Variants in GRIK3 observed in about 807,000 individuals in gnomAD.
GRIK3 encodes glutamate receptor ionotropic, kainate 3.
In GRIK3, 29 loss-of-function variants were observed where a neutral mutation model predicts 102.5. The observed-to-expected ratio is 0.28, with a 90% CI of 0.21 to 0.39. The LOEUF is 0.39. Among genes scored for constraint, GRIK3 ranks in the 10% least tolerant of loss-of-function variants. The pLI is 1.00. For synonymous variants in GRIK3, 511 were observed against 504.9 expected, an observed-to-expected ratio of 1.01 and a Z score of -0.16; for missense variants, 908 against 1,252.4, an observed-to-expected ratio of 0.73 and a Z score of 4.15.
chr1:37,013,274 T>C (rs1349909965), intron 1 of GRIK3, among the ~76,000 whole-genome samples: 1 of 152,246 alleles, frequency 6.6e-6, no homozygotes, highest in Non-Finnish European at 1.5e-5. Context: ...GTAGGAATTA[T>C]GGGAGCTACA....
In GRIK3 at chr1:36,800,693, C is replaced by T. The variant is rs1398610267; in HGVS notation, c.*1158G>A. 5 of 152,196 alleles carry T rather than the reference C, an allele frequency of 3.3e-5. No individual in the cohort carries two copies. Among genetic ancestry groups the T allele is most frequent in the African/African-American group, 1.2e-4 (5 of 41,452 alleles). 9.4% of individuals were successfully genotyped at this position (152,196 alleles called of 1,614,324 possible). A position where few individuals can be genotyped will look rare whatever the true frequency, so the allele number is the denominator to read the frequency against. On this transcript the variant is annotated 3_prime_UTR_variant, in exon 16 of 16. Coordinates refer to ENST00000373091, the MANE Select transcript of GRIK3 (RefSeq NM_000831.4). ...GGGAGCATCTCTAGGTTTGGTAAGT[C>T]CAGGAGACCAGAAGTTCTTTTGGTC...
rs1162590453 is a variant in GRIK3, at chr1:36,841,880, G to A, written c.1386C>T (p.Phe462=). 2 of 1,614,150 alleles carry A rather than the reference G, an allele frequency of 1.2e-6. No homozygotes were observed. Among genetic ancestry groups the A allele is most frequent in the Admixed American group, 1.7e-5 (1 of 60,022 alleles). Residue 462 remains phenylalanine, a synonymous_variant, in exon 10 of 16, where the codon TTC becomes TTT. Coordinates refer to ENST00000373091, the MANE Select transcript of GRIK3 (RefSeq NM_000831.4). ...SDRTLYGNDR[F]EGYCIDLLKE... ...TTAGCAGGTCGATGCAGTAGCCCTC[G>A]AACCGGTCATTCCCGTATAGCGTCC... is the stretch of plus-strand genomic sequence containing the variant.
At chr1:36,907,351 A>G (rs1641294799) in intron 1 of GRIK3, among the ~76,000 whole-genome samples, 1 of 152,178 alleles carries the variant, frequency 6.6e-6, no homozygotes, top group African/African-American at 2.4e-5. Context: ...CCCAGGCCCA[A>G]AGGTGGGCGA....
intron 9 of GRIK3, chr1:36,849,561 A>G (rs1640556746): frequency 6.6e-6 from 1 of 152,274 alleles, no homozygotes; most frequent in Non-Finnish European, 1.5e-5. Flanking sequence ...TGAGCCCCCA[A>G]AAGCAGGGCT....
At chr1:36,953,380 A>G (rs564804) in intron 1 of GRIK3, among the ~76,000 whole-genome samples, 4,949 of 152,272 alleles carry the variant, frequency 0.033, 283 homozygotes, top group African/African-American at 0.11. Context: ...CCTGCAGGAT[A>G]AAGGAGTTAG....
At chr1:36,834,915 C>T (rs1361503748) in intron 10 of GRIK3, among the ~76,000 whole-genome samples, 1 of 152,198 alleles carries the variant, frequency 6.6e-6, no homozygotes, top group East Asian at 1.9e-4. Context: ...TTAGACCTGT[C>T]TGGGACATCT....
intron 7 of GRIK3, among the ~76,000 whole-genome samples, chr1:36,856,213 G>A (rs1047668887): frequency 6.6e-6 from 1 of 152,198 alleles, no homozygotes; most frequent in East Asian, 1.9e-4. Flanking sequence ...CTATCTCTTG[G>A]CCCCCAGGGG....
chr1:36,936,591 C>T (rs920882386), intron 1 of GRIK3, among the ~76,000 whole-genome samples: 27 of 152,176 alleles, frequency 1.8e-4, no homozygotes, highest in African/African-American at 6.5e-4. Context: ...CTGACCCACC[C>T]CATTCCCATT....
intron 7 of GRIK3, among the ~76,000 whole-genome samples, chr1:36,854,858 T>C (rs1346764783): frequency 3.3e-5 from 5 of 152,138 alleles, no homozygotes; most frequent in African/African-American, 1.2e-4. Flanking sequence ...TGGTTCCCAC[T>C]TTACAGACGA....
intron 15 of GRIK3, among the ~76,000 whole-genome samples, chr1:36,803,756 T>A (rs1457875882): frequency 6.6e-6 from 1 of 152,216 alleles, no homozygotes; most frequent in Non-Finnish European, 1.5e-5. Context: ...GTAATGGGAA[T>A]TCTCAGAGAA....
chr1:36,878,117 A>G (rs1640929384), intron 3 of GRIK3, among the ~76,000 whole-genome samples: 1 of 152,256 alleles, frequency 6.6e-6, no homozygotes, highest in South Asian at 2.1e-4. Context: ...AATGAAAAAC[A>G]TCTACACTGT....
At chr1:36,826,518 GT>G (rs1364183120) in intron 10 of GRIK3, among the ~76,000 whole-genome samples, 3 of 151,910 alleles carry the variant, frequency 2.0e-5, no homozygotes, top group Non-Finnish European at 4.4e-5. Flanking sequence ...AAATTAAAAA[GT>G]TAGCTGGGTA....
intron 1 of GRIK3, among the ~76,000 whole-genome samples, chr1:37,024,371 C>G (rs1032762896): frequency 8.6e-5 from 13 of 151,946 alleles, no homozygotes; most frequent in African/African-American, 2.9e-4. Context: ...GAGTGCTTAC[C>G]ACGGCTGTGT....
chr1:36,891,203 G>T (rs762130383), intron 1 of GRIK3, 107 bp from the exon 2 acceptor site: 11 of 785,140 alleles, frequency 1.4e-5, no homozygotes, highest in Non-Finnish European at 2.3e-5. Context: ...TCCCTGAAAT[G>T]TTCAATAATA....
intron 15 of GRIK3, among the ~76,000 whole-genome samples, chr1:36,804,307 T>C (rs1345695676): frequency 1.3e-5 from 2 of 152,234 alleles, no homozygotes; most frequent in African/African-American, 4.8e-5. Flanking sequence ...AATCACCCTG[T>C]AGGGTTTTGT....
chr1:36,859,124 A>G lies in GRIK3; in HGVS notation c.1088T>C (p.Met363Thr). The change falls in exon 7 of 16, where the codon ATG becomes ACG. Residue 363 changes from methionine to threonine, a missense_variant. Physicochemically the swap from Met to Thr is moderately conservative, Grantham distance 81. Around this residue, in one of 3 missense-constraint regions of GRIK3, gnomAD observed 585 missense variants for 824.9 expected, o/e 0.71. Transcript: ENST00000373091. ...HKAWRFGGRF[M>T]NFIKEAQWEG... ...GGCACTCACCTCCTTGATGAAGTTC[A>G]TGAAGCGGCCGCCAAAGCGCCAGGC... The G allele has an allele frequency of 6.2e-7, 1 of 1,611,106 alleles. No individual in the cohort carries two copies. Among genetic ancestry groups the G allele is most frequent in the Non-Finnish European group, 8.5e-7 (1 of 1,177,810 alleles).
At chr1:36,997,081 A>G (rs1444227722) in intron 1 of GRIK3, among the ~76,000 whole-genome samples, 1 of 152,166 alleles carries the variant, frequency 6.6e-6, no homozygotes, top group African/African-American at 2.4e-5. Context: ...AATTCCATGT[A>G]GGGAATTGGG....
In GRIK3 at chr1:36,796,560, G is replaced by A. The variant is rs1030138623; in HGVS notation, c.*5291C>T. On this transcript the variant is annotated 3_prime_UTR_variant, in exon 16 of 16. Coordinates refer to ENST00000373091, the MANE Select transcript of GRIK3 (RefSeq NM_000831.4). Reference sequence around the variant, plus strand: ...AATCCATAAAATGGAGACAATCTGGGAGGTGATGTGAGGTCCACTGTTCTA... The same window carrying A: ...AATCCATAAAATGGAGACAATCTGGAAGGTGATGTGAGGTCCACTGTTCTA... The A allele has an allele frequency of 3.9e-5, 6 of 152,270 alleles. No individual in the cohort carries two copies. The allele number at this position is 152,270 out of a possible 1,614,324, so 9.4% of individuals were successfully genotyped here. A position where few individuals can be genotyped will look rare whatever the true frequency, so the allele number is the denominator to read the frequency against.
intron 10 of GRIK3, among the ~76,000 whole-genome samples, chr1:36,833,440 C>T (rs1224005670): frequency 1.3e-5 from 2 of 152,204 alleles, no homozygotes; most frequent in Non-Finnish European, 2.9e-5. Context: ...CAGAGCTCTC[C>T]AGTCACTGCC....
Sources: allele counts gnomAD v4.1 joint callset (sites outside exome capture counted in the v4.1 genomes callset), GRCh38; gene constraint gnomAD v4.1.1; regional missense constraint gnomAD v4.1.1; transcripts MANE v1.5; gene names NCBI Gene and HGNC (gene_info 2026-07-23, HGNC 2026-07-21).